Variants in RIMS1 observed in about 807,000 individuals in gnomAD.
RIMS1 encodes regulating synaptic membrane exocytosis 1, also known as regulating synaptic membrane exocytosis protein 1.
A neutral mutation model predicts 214.1 loss-of-function variants in RIMS1; 83 were observed. That is an observed-to-expected ratio of 0.39 (90% CI 0.32 to 0.47). The LOEUF is 0.47. Ranked by LOEUF, RIMS1 falls within the 20% of genes least tolerant of loss-of-function variation. The pLI, the probability that RIMS1 is intolerant of heterozygous loss-of-function variation, is 0.99. For missense variants in RIMS1, 2,050 were observed against 2,161.8 expected (o/e 0.95, Z 1.03); for synonymous variants, 793 against 786.8 (o/e 1.01, Z -0.13).
intron 29 of RIMS1, among the ~76,000 whole-genome samples, chr6:72,349,584 T>C (rs548422345): frequency 2.6e-5 from 4 of 152,020 alleles, no homozygotes; most frequent in South Asian, 2.1e-4. Flanking sequence ...ATATTTGACC[T>C]GTCTACCTGC....
At chr6:72,331,057 T>A (rs957799166) in intron 28 of RIMS1, among the ~76,000 whole-genome samples, 12 of 151,776 alleles carry the variant, frequency 7.9e-5, no homozygotes, top group Non-Finnish European at 1.3e-4. Context: ...CCAGAACTTT[T>A]ATTTGTCAAA....
intron 2 of RIMS1, 74 bp from the exon 3 acceptor site, chr6:72,096,875 T>A: frequency 7.9e-7 from 1 of 1,259,924 alleles, no homozygotes; most frequent in Non-Finnish European, 1.1e-6. Context: ...TTAGGAAATA[T>A]TCCTTGTTTT....
At chr6:71,990,436 T>A (rs1401788134) in intron 2 of RIMS1, among the ~76,000 whole-genome samples, 4 of 152,194 alleles carry the variant, frequency 2.6e-5, no homozygotes, top group Non-Finnish European at 4.4e-5. Flanking sequence ...CAAATTGAAT[T>A]AAAGATAATT....
Position 72,401,079 on chromosome 6 carries a change from T to A in RIMS1, c.*365T>A. On this transcript the variant is annotated 3_prime_UTR_variant, in exon 34 of 34. Transcript: ENST00000521978. ...TGTGAAAAGTTGTATTCTACACATT[T>A]CTGCACAGACCACAAGCAGTGTTAT... 5.4e-6 allele frequency: 1 copy of A among 185,896 alleles called. No homozygotes were observed. Among genetic ancestry groups the A allele is most frequent in the South Asian group, 1.4e-4 (1 of 7,114 alleles). 11.5% of individuals were successfully genotyped at this position (185,896 alleles called of 1,614,324 possible).
At chr6:72,019,745 G>A (rs967802349) in intron 2 of RIMS1, among the ~76,000 whole-genome samples, 1 of 152,066 alleles carries the variant, frequency 6.6e-6, no homozygotes, top group African/African-American at 2.4e-5. Flanking sequence ...TGGCTCCGTG[G>A]GAATGTGGGT....
chr6:72,341,676 A>G (rs1403001837), intron 29 of RIMS1, among the ~76,000 whole-genome samples: 1 of 151,820 alleles, frequency 6.6e-6, no homozygotes, highest in African/African-American at 2.4e-5. Context: ...CCAAGCAACA[A>G]AGTGAAAAAA....
chr6:72,328,925 A>G (rs891908470), intron 28 of RIMS1, among the ~76,000 whole-genome samples: 1 of 151,866 alleles, frequency 6.6e-6, no homozygotes, highest in African/African-American at 2.4e-5. Flanking sequence ...ACCCATAGGT[A>G]GATTCCCTAT....
chr6:72,150,459 A>G (rs1416948852), intron 4 of RIMS1, among the ~76,000 whole-genome samples: 3 of 152,178 alleles, frequency 2.0e-5, no homozygotes, highest in Non-Finnish European at 4.4e-5. Flanking sequence ...GCCTCCTGCC[A>G]CTATTATCAG....
intron 2 of RIMS1, among the ~76,000 whole-genome samples, chr6:72,010,803 A>T (rs942922252): frequency 2.6e-5 from 4 of 152,316 alleles, no homozygotes; most frequent in African/African-American, 9.6e-5. Context: ...GGAGAACTAC[A>T]AACCACTGCT....
intron 2 of RIMS1, among the ~76,000 whole-genome samples, chr6:72,009,800 C>T (rs1348980806): frequency 6.6e-6 from 1 of 152,162 alleles, no homozygotes; most frequent in Non-Finnish European, 1.5e-5. Context: ...TCTGAATAGA[C>T]CAATAACAGG....
chr6:71,901,727 C>T (rs1008444613), intron 1 of RIMS1, among the ~76,000 whole-genome samples: 1 of 152,094 alleles, frequency 6.6e-6, no homozygotes, highest in Non-Finnish European at 1.5e-5. Context: ...TTTGTCAAAA[C>T]TGACCAAACT....
chr6:72,004,572 T>A (rs9360521), intron 2 of RIMS1, among the ~76,000 whole-genome samples: 79,963 of 148,550 alleles, frequency 0.54, 21,636 homozygotes, highest in Non-Finnish European at 0.6. Context: ...CTAACTGGTG[T>A]GAGATGGTAT....
chr6:72,214,670 A>G (rs574366902), intron 6 of RIMS1, among the ~76,000 whole-genome samples: 2 of 152,326 alleles, frequency 1.3e-5, no homozygotes, highest in African/African-American at 4.8e-5. Context: ...GCAGTGTATT[A>G]AAATGTTTTA....
At chr6:72,194,035 C>T (rs902351411) in intron 6 of RIMS1, among the ~76,000 whole-genome samples, 1 of 151,672 alleles carries the variant, frequency 6.6e-6, no homozygotes, top group Admixed American at 6.6e-5. Context: ...TACATTTAAC[C>T]GAGGAGGTGA....
chr6:72,332,390 A>G (rs948037786), intron 28 of RIMS1, among the ~76,000 whole-genome samples: 4 of 151,702 alleles, frequency 2.6e-5, no homozygotes, highest in African/African-American at 9.7e-5. Flanking sequence ...GTAATTTAAA[A>G]GGTTGTAAGA....
chr6:72,131,597 A>T (rs555782815), intron 4 of RIMS1, among the ~76,000 whole-genome samples: 9 of 152,316 alleles, frequency 5.9e-5, no homozygotes, highest in African/African-American at 1.9e-4. Context: ...AGAATATCAC[A>T]AGGCAAATGG....
intron 6 of RIMS1, among the ~76,000 whole-genome samples, chr6:72,229,153 C>T (rs1445757487): frequency 6.6e-6 from 1 of 151,742 alleles, no homozygotes; most frequent in Admixed American, 6.6e-5. Flanking sequence ...TCTAGCCCTG[C>T]TTTGGGCCTT....
At chr6:71,970,103 T>C (rs893660032) in intron 2 of RIMS1, among the ~76,000 whole-genome samples, 2 of 152,250 alleles carry the variant, frequency 1.3e-5, no homozygotes, top group Non-Finnish European at 1.5e-5. Context: ...ATAGGTGTTA[T>C]AGGTTTTACC....
intron 1 of RIMS1, among the ~76,000 whole-genome samples, chr6:71,931,594 CT>C (rs968326549): frequency 1.6e-4 from 23 of 148,162 alleles, no homozygotes; most frequent in Admixed American, 6.1e-4. Flanking sequence ...TAATAGGGTT[CT>C]TTTTTTTTTC....
Sources: allele counts gnomAD v4.1 joint callset (sites outside exome capture counted in the v4.1 genomes callset), GRCh38; gene constraint gnomAD v4.1.1; transcripts MANE v1.5; gene names NCBI Gene and HGNC (gene_info 2026-07-23, HGNC 2026-07-21).